The following CHD5 variants were observed in gnomAD, a reference collection of about 807,000 sequenced individuals.
The protein encoded by CHD5 is chromodomain helicase DNA binding protein 5.
Under a neutral mutation model 230.3 loss-of-function variants are expected in CHD5, and 69 were observed. That is an observed-to-expected ratio of 0.30 (90% confidence interval 0.25 to 0.37). The LOEUF is 0.37. CHD5 is among the 10% of genes least tolerant of loss of function. CHD5 has a pLI of 1.00. For missense variants in CHD5, 1,827 were observed against 2,622.8 expected, an observed-to-expected ratio of 0.70 and a Z score of 6.63; for synonymous variants, 1,064 against 1,065.9, an observed-to-expected ratio of 1.00 and a Z score of 0.03.
chr1:6,151,504 T>C (rs1041510832), intron 6 of CHD5, among the ~76,000 whole-genome samples: 2 of 152,210 alleles, frequency 1.3e-5, no homozygotes, highest in African/African-American at 4.8e-5. Flanking sequence ...AGATCTCTCC[T>C]TTACTGGACC....
rs1028430829 is a variant in CHD5, at chr1:6,114,543, A to G, written c.4913-1545T>C. ...ACACATTTTTTTGTGATATATATAT[A>G]TATCACAAAAAAAATCTCATAATGT... is the stretch of plus-strand genomic sequence containing the variant. On this transcript the variant is annotated intron_variant, in intron 33 of 41. Coordinates refer to ENST00000262450, the MANE Select transcript of CHD5 (RefSeq NM_015557.3). 2.2e-4 allele frequency among the ~76,000 whole-genome samples: 33 copies of G among 151,968 alleles called. 1 individual carries two copies. The highest frequency in any genetic ancestry group is 8.0e-4 in the African/African-American group (33 of 41,368).
Position 6,129,125 on chromosome 1 carries a change from G to A in CHD5, c.3388-56C>T, listed in dbSNP as rs1666611953. On this transcript the variant is annotated intron_variant, in intron 22 of 41. Transcript: ENST00000262450. The surrounding 1 kb of genome is among the most constrained non-coding windows in gnomAD (Gnocchi z 6.8). ...CTCACCCAGGGCTCCAGGCAATGGAGGAGATCACACCCATGAGCTCAAGAG... is the reference window on the plus strand; with the variant it reads ...CTCACCCAGGGCTCCAGGCAATGGAAGAGATCACACCCATGAGCTCAAGAG... 8 of 1,239,054 alleles carry A rather than the reference G, an allele frequency of 6.5e-6. No individual in the cohort carries two copies. The highest frequency in any genetic ancestry group is 9.3e-6 in the Non-Finnish European group (8 of 862,580). The allele number at this position is 1,239,054 out of a possible 1,614,324, so 76.8% of individuals were successfully genotyped here.
rs536670751 is a variant in CHD5, at chr1:6,164,476, G to T, written c.207+3674C>A. ...TACATATGCTCAGGTTCCGGCTGCA[G>T]CCCGGTTATTTTATGTAAATCAGAA... On this transcript the variant is annotated intron_variant, in intron 2 of 41. Coordinates refer to ENST00000262450, the MANE Select transcript of CHD5 (RefSeq NM_015557.3). Among the ~76,000 whole-genome samples the T allele has an allele frequency of 1.4e-4, 21 of 152,344 alleles. No individual in the cohort carries two copies. In the South Asian group the frequency reaches 3.5e-3, roughly 26 times the overall value.
chr1:6,124,821 TCCC>T (rs948772707), intron 29 of CHD5, among the ~76,000 whole-genome samples, 160 bp from the exon 30 acceptor site: 1 of 152,138 alleles, frequency 6.6e-6, no homozygotes, highest in Non-Finnish European at 1.5e-5. Flanking sequence ...AGAGAGGGCC[TCCC>T]TGGCGAGGGG....
rs759808786 is a variant in CHD5 at position 6,146,789 on chromosome 1, G to A, written c.1466C>T (p.Pro489Leu). 61 of 1,596,134 alleles carry A rather than the reference G, an allele frequency of 3.8e-5. No homozygotes were observed. Among genetic ancestry groups the A allele is most frequent in the Admixed American group, 3.4e-4 (20 of 58,490 alleles). The change falls in exon 10 of 42, where the codon CCG becomes CTG. Residue 489 changes from proline to leucine, a missense_variant. Transcript: ENST00000262450. The surrounding 1 kb of genome is among the most constrained non-coding windows in gnomAD (Gnocchi z 5.1). ...EPPAPFMVGL[P>L]GPDVEPSLPP... ...GAGGCTGGGCTCCACGTCAGGCCCC[G>A]GCAGCCCCACCATGAAGGGGGCAGG... is the stretch of plus-strand genomic sequence containing the variant.
chr1:6,131,295 T>C lies in CHD5; in HGVS notation c.3262+336A>G, dbSNP rs1320422646. Among the ~76,000 whole-genome samples the C allele has an allele frequency of 6.6e-6, 1 of 152,186 alleles. No individual in the cohort carries two copies. Among genetic ancestry groups the C allele is most frequent in the Non-Finnish European group, 1.5e-5 (1 of 68,026 alleles). On this transcript the variant is annotated intron_variant, in intron 21 of 41. Transcript: ENST00000262450. This position sits in a 1 kb window ranked among gnomAD's most constrained non-coding sequence, Gnocchi z 5.0. ...TCTGGAAGTGGCCCCAGGTAGCACGTGCATCTCTGTACCTTCTGCCACCAT... is the reference window on the plus strand; with the variant it reads ...TCTGGAAGTGGCCCCAGGTAGCACGCGCATCTCTGTACCTTCTGCCACCAT...
chr1:6,107,938 G>A (rs1666220604), intron 38 of CHD5, among the ~76,000 whole-genome samples: 1 of 136,124 alleles, frequency 7.3e-6, no homozygotes, highest in Non-Finnish European at 1.6e-5. Context: ...ATGGAAGGAA[G>A]GTGGAGGGAC....
At chr1:6,144,186 C>A in intron 11 of CHD5, 31 bp from the exon 12 acceptor site, 1 of 1,613,610 alleles carries the variant, frequency 6.2e-7, no homozygotes, top group Non-Finnish European at 8.5e-7. Flanking sequence ...GTGGGTCGCT[C>A]AGAGCAGTGG....
In CHD5 at chr1:6,155,912, T is replaced by C. The variant is rs955924243; in HGVS notation, c.388-195A>G. 1.3e-5 allele frequency among the ~76,000 whole-genome samples: 2 copies of C among 152,192 alleles called. No homozygotes were observed. The highest frequency in any genetic ancestry group is 2.9e-5 in the Non-Finnish European group (2 of 68,036). ...CCCCGCAGCCCCGCAGCCCCCAATCTGTGCCACGTCTCAGATGCCAGCCCA... is the reference window on the plus strand; with the variant it reads ...CCCCGCAGCCCCGCAGCCCCCAATCCGTGCCACGTCTCAGATGCCAGCCCA... On this transcript the variant is annotated intron_variant, in intron 3 of 41. Transcript: ENST00000262450. This position sits in a 1 kb window ranked among gnomAD's most constrained non-coding sequence, Gnocchi z 4.0.
chr1:6,110,102 A>T, intron 37 of CHD5, 112 bp from the exon 38 acceptor site: 1 of 1,078,972 alleles, frequency 9.3e-7, no homozygotes, highest in Non-Finnish European at 1.3e-6. Context: ...GGGAAAGAGG[A>T]CGTACTGCCA....
chr1:6,143,303 G>A (rs941962463), intron 13 of CHD5, among the ~76,000 whole-genome samples: 2 of 152,166 alleles, frequency 1.3e-5, no homozygotes, highest in Non-Finnish European at 2.9e-5. Flanking sequence ...ACAGTGCTGG[G>A]ATTACAGGCA....
In CHD5 at chr1:6,103,201, C is replaced by T. The variant is rs41307753; in HGVS notation, c.*2273G>A. ...TCTGACTCTAGTAGCCCACCCCTCC[C>T]GGGCCCCGGGGTGCTGGCCACGGAC... On this transcript the variant is annotated 3_prime_UTR_variant, in exon 42 of 42. Coordinates refer to ENST00000262450, the MANE Select transcript of CHD5 (RefSeq NM_015557.3). 4,583 of 152,662 alleles carry T rather than the reference C, an allele frequency of 0.03. 92 individuals are homozygous for T. The highest frequency in any genetic ancestry group is 0.043 in the Non-Finnish European group (2,949 of 68,116). 9.5% of individuals were successfully genotyped at this position (152,662 alleles called of 1,614,324 possible). A position where few individuals can be genotyped will look rare whatever the true frequency, so the allele number is the denominator to read the frequency against.
intron 6 of CHD5, 28 bp downstream of exon 6, chr1:6,152,384 A>T: frequency 6.2e-7 from 1 of 1,602,150 alleles, no homozygotes; most frequent in Non-Finnish European, 8.5e-7. Context: ...GCAAATGCAC[A>T]CACACGCGCA....
Position 6,167,132 on chromosome 1 carries a change from T to C in CHD5, c.207+1018A>G, listed in dbSNP as rs1667268176. ...CTCCCTGGGCCTCTCACTTGCAAGG[T>C]GGGGCCAGGCCAGTCCCCTCTAGGC... On this transcript the variant is annotated intron_variant, in intron 2 of 41. Coordinates refer to ENST00000262450, the MANE Select transcript of CHD5 (RefSeq NM_015557.3). The surrounding 1 kb of genome is among the most constrained non-coding windows in gnomAD (Gnocchi z 4.5). Among the ~76,000 whole-genome samples the C allele has an allele frequency of 6.6e-6, 1 of 151,642 alleles. No homozygotes were observed. The highest frequency in any genetic ancestry group is 2.4e-5 in the African/African-American group (1 of 41,020).
chr1:6,164,472 T>C (rs1023425730), intron 2 of CHD5, among the ~76,000 whole-genome samples: 1 of 152,246 alleles, frequency 6.6e-6, no homozygotes, highest in African/African-American at 2.4e-5. Flanking sequence ...AGGTTCCGGC[T>C]GCAGCCCGGT....
At chr1:6,160,139 C>G (rs1667146854) in intron 2 of CHD5, among the ~76,000 whole-genome samples, 1 of 130,960 alleles carries the variant, frequency 7.6e-6, no homozygotes, top group Non-Finnish European at 1.6e-5. Context: ...AGGGCCCCAG[C>G]CAGGGAAGGG....
chr1:6,141,901 C>T (rs1377946519), intron 15 of CHD5, among the ~76,000 whole-genome samples: 16 of 152,108 alleles, frequency 1.1e-4, no homozygotes, highest in Non-Finnish European at 4.4e-5. Context: ...GAACTGTGAC[C>T]GAATACATTT....
intron 1 of CHD5, among the ~76,000 whole-genome samples, chr1:6,177,803 G>C (rs888718983): frequency 1.3e-5 from 2 of 152,230 alleles, no homozygotes; most frequent in Non-Finnish European, 2.9e-5. Context: ...AGGATGGAGC[G>C]TGGAGCGTGG....
intron 11 of CHD5, among the ~76,000 whole-genome samples, chr1:6,145,122 T>A (rs1267168664): frequency 6.6e-6 from 1 of 150,794 alleles, no homozygotes; most frequent in Non-Finnish European, 1.5e-5. Context: ...AAAAGGGGGG[T>A]GTCCCATAGT....
Sources: gnomAD v4.1 joint callset for allele counts (sites outside exome capture counted in the v4.1 genomes callset) on GRCh38, gnomAD v4.1.1 for gene constraint, Gnocchi (gnomAD v3.1) non-coding constraint, MANE v1.5 for transcripts, NCBI Gene and HGNC (gene_info 2026-07-23, HGNC 2026-07-21) for gene names.